Variants in TMEM9B observed in about 807,000 individuals in gnomAD.
TMEM9B encodes the protein TMEM9 domain family member B, also known as transmembrane protein 9B.
A neutral mutation model predicts 23.5 loss-of-function variants in TMEM9B; 8 were observed. That is an observed-to-expected ratio of 0.34 (90% CI 0.20 to 0.61). The LOEUF is 0.61. TMEM9B is among the 20% of genes least tolerant of loss of function. The probability of loss-of-function intolerance (pLI) is 0.78; values close to 1 mark genes in which losing one functional copy is unlikely to be tolerated. For missense variants in TMEM9B, 197 were observed against 252.3 expected, an observed-to-expected ratio of 0.78 and a Z score of 1.49; for synonymous variants, 106 against 96.3, an observed-to-expected ratio of 1.10 and a Z score of -0.59.
intron 3 of TMEM9B, 84 bp from the exon 4 acceptor site, chr11:8,953,421 A>G: frequency 2.2e-6 from 3 of 1,368,642 alleles, no homozygotes; most frequent in Non-Finnish European, 3.1e-6. Flanking sequence ...ACTGACTGAC[A>G]TATCTGCTAA....
chr11:8,962,009 T>G, intron 2 of TMEM9B, 83 bp downstream of exon 2: 1 of 879,288 alleles, frequency 1.1e-6, no homozygotes, highest in Non-Finnish European at 1.7e-6. Context: ...AAAAGAAAAC[T>G]ATGCATTTGA....
In TMEM9B at chr11:8,952,249, T is replaced by TACACACACACAC. The variant is rs142506777; in HGVS notation, c.441+942_441+953dup. Among the ~76,000 whole-genome samples, 750 of 122,678 alleles carry TACACACACACAC rather than the reference T, an allele frequency of 6.1e-3. 7 individuals are homozygous for TACACACACACAC. The highest frequency in any genetic ancestry group is 0.014 in the African/African-American group (484 of 35,382). The allele number at this position is 122,678 out of a possible 152,430, so 80.5% of individuals were successfully genotyped here. On this transcript the variant is annotated intron_variant, in intron 4 of 4. Transcript: ENST00000534025. The stretch of plus-strand genomic sequence containing the variant: ...ATTTATACAGATTATGCCAACTATA[T>TACACACACACAC]ACACACACACACACACACACACACA...
At chr11:8,960,313 T>C (rs1854053324) in intron 2 of TMEM9B, among the ~76,000 whole-genome samples, 1 of 152,074 alleles carries the variant, frequency 6.6e-6, no homozygotes, top group Non-Finnish European at 1.5e-5. Context: ...AGCTAATTTT[T>C]ATATTTTTAG....
intron 3 of TMEM9B, among the ~76,000 whole-genome samples, chr11:8,953,755 A>G (rs1390268319): frequency 6.6e-6 from 1 of 152,220 alleles, no homozygotes; most frequent in Admixed American, 6.5e-5. Context: ...ACCCACTAGA[A>G]GGACTACAAT....
In TMEM9B at chr11:8,948,123, C is replaced by T; in HGVS notation, c.*197G>A. ...AAAAGACTTATTGGCTGACTTTGAG[C>T]TGTGTGCTTTTAAAAATGTCTCTAT... is the stretch of plus-strand genomic sequence containing the variant. On this transcript the variant is annotated 3_prime_UTR_variant, in exon 5 of 5. Transcript: ENST00000534025. The T allele has an allele frequency of 3.6e-6, 2 of 553,436 alleles. No homozygotes were observed. The highest frequency in any genetic ancestry group is 2.7e-5 in the South Asian group (1 of 37,706). The allele number at this position is 553,436 out of a possible 1,614,324, so 34.3% of individuals were successfully genotyped here. A position where few individuals can be genotyped will look rare whatever the true frequency, so the allele number is the denominator to read the frequency against.
intron 4 of TMEM9B, among the ~76,000 whole-genome samples, chr11:8,949,440 G>A (rs559054279): frequency 3.3e-5 from 5 of 152,244 alleles, no homozygotes; most frequent in South Asian, 2.1e-4. Context: ...CTTGAACCCC[G>A]TGTTAGCAAA....
rs907490943 is a variant in TMEM9B, at chr11:8,951,013, A to G, written c.441+2190T>C. On this transcript the variant is annotated intron_variant, in intron 4 of 4. Coordinates refer to ENST00000534025, the MANE Select transcript of TMEM9B (RefSeq NM_020644.3). ...CCTCTCTGCCTAGAATCAGTTTAAA[A>G]GACATCCAAGAGTCAGCCAGGCCTC... 7.6e-4 allele frequency among the ~76,000 whole-genome samples: 116 copies of G among 152,242 alleles called. 11 individuals carry two copies. The highest frequency in any genetic ancestry group is 7.3e-5 in the Non-Finnish European group (5 of 68,044).
At chr11:8,962,761 C>A (rs1854103814) in intron 1 of TMEM9B, 1 of 152,142 alleles carries the variant, frequency 6.6e-6, no homozygotes, top group Non-Finnish European at 1.5e-5. Flanking sequence ...TATACTCTTC[C>A]CAGGAAACTT....
At position 8,956,099 on chromosome 11, in the gene TMEM9B, C is replaced by T. The variant is rs572260398; in HGVS notation, c.306+91G>A. ...CATTATTCCTTTTGGGGTAGGGGTC[C>T]AAATTTTTCTGTCTTGTCTAGAAAC... On this transcript the variant is annotated intron_variant, in intron 3 of 4. Transcript: ENST00000534025. The T allele has an allele frequency of 5.8e-6, 7 of 1,209,362 alleles. No individual in the cohort carries two copies. The South Asian group carries it at 6.0e-5, about 10-fold the overall frequency. The allele number at this position is 1,209,362 out of a possible 1,614,324, so 74.9% of individuals were successfully genotyped here.
At chr11:8,964,080 T>C (rs958252448) in intron 1 of TMEM9B, 129 bp downstream of exon 1, 2 of 913,434 alleles carry the variant, frequency 2.2e-6, no homozygotes, top group Non-Finnish European at 1.6e-6. Flanking sequence ...GGCGGGGGTC[T>C]GCCGGAGCTG....
At chr11:8,964,602 G>C (rs1479948862), upstream of TMEM9B, 3 of 632,966 alleles carry the variant, frequency 4.7e-6, no homozygotes, top group Admixed American at 4.1e-5. Flanking sequence ...GTGGCAGCCT[G>C]GGCCCAGTAG....
chr11:8,950,589 T>C (rs1299527272), intron 4 of TMEM9B, among the ~76,000 whole-genome samples: 1 of 152,206 alleles, frequency 6.6e-6, no homozygotes, highest in Non-Finnish European at 1.5e-5. Flanking sequence ...CAGAACGAGA[T>C]TGAACTAGCT....
At chr11:8,964,502 C>A (rs1391108261), upstream of TMEM9B, 1 of 1,403,854 alleles carries the variant, frequency 7.1e-7, no homozygotes, top group East Asian at 2.7e-5. Flanking sequence ...GCCCCGGAAC[C>A]GGTTACCAGT....
At chr11:8,960,138 G>GTTTTTTTTTTTTTTTTTT (rs10550659) in intron 2 of TMEM9B, among the ~76,000 whole-genome samples, 1 of 83,692 alleles carries the variant, frequency 1.2e-5, no homozygotes, top group Non-Finnish European at 2.4e-5. Flanking sequence ...CTTTGTTTCT[G>GTTTTTTTTTTTTTTTTTT]TTTTTTTTTT....
intron 2 of TMEM9B, among the ~76,000 whole-genome samples, chr11:8,960,742 C>T (rs568746982): frequency 2.7e-5 from 4 of 150,772 alleles, no homozygotes; most frequent in East Asian, 2.0e-4. Context: ...AGTGCAGTGG[C>T]GCGATCTCGG....
Position 8,948,174 on chromosome 11 carries a change from C to G in TMEM9B, c.*146G>C. ...TATTACGTTAACAAGAAAAAAAAATCAAGCAAGTTTTTGCTTCCAGTTTTG... is the reference window on the plus strand; with the variant it reads ...TATTACGTTAACAAGAAAAAAAAATGAAGCAAGTTTTTGCTTCCAGTTTTG... On this transcript the variant is annotated 3_prime_UTR_variant, in exon 5 of 5. Transcript: ENST00000534025. 3.0e-6 allele frequency: 3 copies of G among 1,006,280 alleles called. No homozygotes were observed. The highest frequency in any genetic ancestry group is 4.3e-6 in the Non-Finnish European group (3 of 705,442). 62.3% of individuals were successfully genotyped at this position (1,006,280 alleles called of 1,614,324 possible).
intron 4 of TMEM9B, among the ~76,000 whole-genome samples, chr11:8,949,889 A>AT (rs11476286): frequency 0.026 from 3,542 of 137,402 alleles, 54 homozygotes; most frequent in Non-Finnish European, 0.035. Context: ...CATGAACTTA[A>AT]TTTTTTTTTT....
intron 4 of TMEM9B, chr11:8,952,791 G>A (rs1589944808): frequency 3.3e-6 from 1 of 307,260 alleles, no homozygotes; most frequent in South Asian, 7.5e-5. Context: ...ATTAAGAAAA[G>A]AACATCATGA....
At chr11:8,964,547 C>T, upstream of TMEM9B, 2 of 1,266,238 alleles carry the variant, frequency 1.6e-6, no homozygotes, top group Non-Finnish European at 2.1e-6. Flanking sequence ...TCCTGGTGCC[C>T]GCCTTGGCCT....
Sources: gnomAD v4.1 joint callset for allele counts (sites outside exome capture counted in the v4.1 genomes callset) on GRCh38, gnomAD v4.1.1 for gene constraint, MANE v1.5 for transcripts, NCBI Gene and HGNC (gene_info 2026-07-23, HGNC 2026-07-21) for gene names.